The following PHACTR1 variants were observed in gnomAD, a reference collection of about 807,000 sequenced individuals.
PHACTR1 encodes phosphatase and actin regulator 1.
A neutral mutation model predicts 69.2 loss-of-function variants in PHACTR1; 16 were observed. The ratio of observed to expected loss-of-function variants is 0.23; its 90% CI spans 0.16 to 0.35. The LOEUF is 0.35. PHACTR1 is among the 10% of genes least tolerant of loss of function. The probability of loss-of-function intolerance (pLI) is 1.00; values close to 1 mark genes in which losing one functional copy is unlikely to be tolerated. For missense variants in PHACTR1, 510 were observed against 734.7 expected (o/e 0.69, Z 3.54); for synonymous variants, 312 against 284.5 (o/e 1.10, Z -0.97).
Position 13,195,757 on chromosome 6 carries a change from C to CAAAAAAAAAAA in PHACTR1, c.665-10045_665-10035dup, listed in dbSNP as rs869092852. On this transcript the variant is annotated intron_variant, in intron 7 of 14. Coordinates refer to ENST00000332995, the MANE Select transcript of PHACTR1 (RefSeq NM_030948.6). ...TGGGCGACAGAGAGAGACACCGTCT[C>CAAAAAAAAAAA]AAAAAAAAAAAAAAAAAAAAAAAGT... 8.8e-3 allele frequency among the ~76,000 whole-genome samples: 364 copies of CAAAAAAAAAAA among 41,472 alleles called. 68 individuals are homozygous for CAAAAAAAAAAA. The highest frequency in any genetic ancestry group is 0.015 in the Non-Finnish European group (272 of 18,668). The allele number at this position is 41,472 out of a possible 152,430, so 27.2% of individuals were successfully genotyped here.
At chr6:12,744,670 G>A (rs1017566321) in intron 3 of PHACTR1, among the ~76,000 whole-genome samples, 7 of 152,108 alleles carry the variant, frequency 4.6e-5, no homozygotes, top group Non-Finnish European at 7.4e-5. Flanking sequence ...GTTAAAGCAA[G>A]TTTATTAAGA....
intron 7 of PHACTR1, among the ~76,000 whole-genome samples, chr6:13,199,362 C>A (rs578219312): frequency 8.7e-6 from 1 of 115,532 alleles, no homozygotes; most frequent in Admixed American, 1.2e-4. Flanking sequence ...CCAGCCTGGG[C>A]GACAAAGTGA....
At chr6:12,933,891 G>A (rs1789155225) in intron 4 of PHACTR1, 1 of 1,612,348 alleles carries the variant, frequency 6.2e-7, no homozygotes, top group South Asian at 1.1e-5. Flanking sequence ...GAGTTTGGCT[G>A]AGAGGACATT....
chr6:12,938,292 A>C (rs1789687412), intron 4 of PHACTR1, among the ~76,000 whole-genome samples: 1 of 152,228 alleles, frequency 6.6e-6, no homozygotes, highest in Non-Finnish European at 1.5e-5. Flanking sequence ...CAGATAGTGC[A>C]TAGTGAAACC....
intron 5 of PHACTR1, among the ~76,000 whole-genome samples, chr6:13,090,710 T>C (rs1813118178): frequency 6.6e-6 from 1 of 152,132 alleles, no homozygotes; most frequent in Admixed American, 6.5e-5. Context: ...GCCTCTTAGG[T>C]CAGCCAGCAA....
chr6:13,128,687 C>T (rs1819935384), intron 5 of PHACTR1, among the ~76,000 whole-genome samples: 1 of 151,774 alleles, frequency 6.6e-6, no homozygotes, highest in Non-Finnish European at 1.5e-5. Context: ...ATTGGCATTC[C>T]CTGAGGAAGA....
intron 4 of PHACTR1, among the ~76,000 whole-genome samples, chr6:12,865,935 G>A (rs547080328): frequency 5.9e-5 from 9 of 152,258 alleles, no homozygotes; most frequent in Admixed American, 2.6e-4. Context: ...TCCATCCTGT[G>A]CTTTTTGTCT....
At chr6:12,725,381 G>A (rs1762647317) in intron 3 of PHACTR1, among the ~76,000 whole-genome samples, 1 of 152,156 alleles carries the variant, frequency 6.6e-6, no homozygotes, top group South Asian at 2.1e-4. Context: ...TTCCTTTGCT[G>A]TGCTTACAGG....
chr6:12,947,103 C>T (rs1399702666), intron 4 of PHACTR1, among the ~76,000 whole-genome samples: 4 of 151,188 alleles, frequency 2.6e-5, no homozygotes, highest in East Asian at 3.9e-4. Flanking sequence ...GAGGTATGCC[C>T]GGCCGATGGT....
At chr6:12,810,107 G>A (rs1427563743) in intron 4 of PHACTR1, among the ~76,000 whole-genome samples, 1 of 152,182 alleles carries the variant, frequency 6.6e-6, no homozygotes, top group Admixed American at 6.5e-5. Flanking sequence ...TTCAGTTTTG[G>A]TGGTTACAGA....
chr6:13,181,996 G>A (rs921704702), intron 6 of PHACTR1, among the ~76,000 whole-genome samples: 3 of 152,186 alleles, frequency 2.0e-5, no homozygotes, highest in Admixed American at 2.0e-4. Flanking sequence ...CACTTTGGGA[G>A]GCCCAGGTGG....
chr6:12,829,964 A>AGAGAGAGAGAGAG (rs1777240400), intron 4 of PHACTR1, among the ~76,000 whole-genome samples: 1 of 99,854 alleles, frequency 1.0e-5, no homozygotes, highest in African/African-American at 4.4e-5. Flanking sequence ...TCAAGAAAGA[A>AGAGAGAGAGAGAG]AGAGAGAGAG....
intron 4 of PHACTR1, among the ~76,000 whole-genome samples, chr6:12,921,946 C>G (rs1787770464): frequency 6.6e-6 from 1 of 152,146 alleles, no homozygotes; most frequent in African/African-American, 2.4e-5. Context: ...AGGGCCCTTA[C>G]TCTCTCTCAG....
intron 5 of PHACTR1, among the ~76,000 whole-genome samples, chr6:13,071,547 C>G (rs951910029): frequency 6.6e-6 from 1 of 152,140 alleles, no homozygotes; most frequent in Non-Finnish European, 1.5e-5. Context: ...ATCAAATTAG[C>G]ACAAAGCTGG....
chr6:13,190,219 G>T (rs1481619348), intron 7 of PHACTR1, among the ~76,000 whole-genome samples: 3 of 10,680 alleles, frequency 2.8e-4, no homozygotes, highest in Admixed American at 5.3e-4. Context: ...TTTTTTAGTA[G>T]AGGTGGGGTT....
intron 4 of PHACTR1, among the ~76,000 whole-genome samples, chr6:12,804,058 A>C (rs1005019905): frequency 6.6e-6 from 1 of 152,242 alleles, no homozygotes; most frequent in African/African-American, 2.4e-5. Context: ...TTCGGCTTAG[A>C]GGTGTTTTAT....
At chr6:13,097,821 C>T (rs1001658698) in intron 5 of PHACTR1, among the ~76,000 whole-genome samples, 3 of 152,170 alleles carry the variant, frequency 2.0e-5, no homozygotes, top group Non-Finnish European at 4.4e-5. Flanking sequence ...ACTCCCATCC[C>T]CACTATATGA....
At chr6:13,085,293 T>A (rs1451662081) in intron 5 of PHACTR1, among the ~76,000 whole-genome samples, 1 of 151,956 alleles carries the variant, frequency 6.6e-6, no homozygotes, top group African/African-American at 2.4e-5. Context: ...TTGAAAATAA[T>A]ACTGTGTTAT....
At chr6:12,893,537 A>G (rs1444105918) in intron 4 of PHACTR1, among the ~76,000 whole-genome samples, 2 of 151,896 alleles carry the variant, frequency 1.3e-5, no homozygotes, top group African/African-American at 2.4e-5. Context: ...TTTTTTTACA[A>G]CTTGTATTTT....
Sources: gnomAD v4.1 joint callset for allele counts (sites outside exome capture counted in the v4.1 genomes callset) on GRCh38, gnomAD v4.1.1 for gene constraint, MANE v1.5 for transcripts, NCBI Gene and HGNC (gene_info 2026-07-23, HGNC 2026-07-21) for gene names.